RANBP10: variants seen among roughly 807,000 people sequenced by gnomAD.
RANBP10 encodes the protein RAN binding protein 10.
RANBP10 carries 24 observed loss-of-function variants against 72.8 expected under a neutral mutation model. That is an observed-to-expected ratio of 0.33 (90% CI 0.24 to 0.46). The LOEUF is 0.46. RANBP10 is among the 20% of genes least tolerant of loss of function. The pLI is 1.00. For missense variants in RANBP10, 679 were observed against 817.5 expected (o/e 0.83, Z 2.07); for synonymous variants, 310 against 322.3 (o/e 0.96, Z 0.41).
chr16:67,738,567 C>G (rs1369578450), intron 4 of RANBP10: 1 of 152,552 alleles, frequency 6.6e-6, no homozygotes, highest in African/African-American at 2.4e-5. Flanking sequence ...ATTCTCCTAC[C>G]TCAGCCTCCC....
chr16:67,772,163 T>C, intron 2 of RANBP10, 77 bp from the exon 3 acceptor site: 1 of 1,477,378 alleles, frequency 6.8e-7, no homozygotes, highest in Non-Finnish European at 9.2e-7. Context: ...CAAACATTTA[T>C]TGGTAAAAGA....
At chr16:67,779,874 T>C (rs542558129) in intron 2 of RANBP10, among the ~76,000 whole-genome samples, 31 of 152,128 alleles carry the variant, frequency 2.0e-4, no homozygotes, top group African/African-American at 7.5e-4. Context: ...CCTCAGGAAG[T>C]GAAGGCTGAG....
At chr16:67,795,915 A>ATT (rs987432243) in intron 2 of RANBP10, among the ~76,000 whole-genome samples, 27 of 134,224 alleles carry the variant, frequency 2.0e-4, no homozygotes, top group Non-Finnish European at 2.9e-4. Flanking sequence ...AAATATTTTG[A>ATT]TTTTTTTTTT....
At chr16:67,743,004 G>A (rs1383411729) in intron 4 of RANBP10, among the ~76,000 whole-genome samples, 1 of 152,326 alleles carries the variant, frequency 6.6e-6, no homozygotes, top group East Asian at 1.9e-4. Context: ...AGCAGTGTCC[G>A]TGCTATGTTC....
At chr16:67,740,399 C>T (rs1020175088) in intron 4 of RANBP10, among the ~76,000 whole-genome samples, 20 of 152,040 alleles carry the variant, frequency 1.3e-4, no homozygotes, top group African/African-American at 4.3e-4. Context: ...CCATCATGCC[C>T]GGCAGATAAA....
rs563838037 is a variant in RANBP10, at chr16:67,759,936, T to C, written c.400+12098A>G. Reference sequence around the variant, plus strand: ...TAACACAGTGAAACCCCATCTCTACTAAAAATACAAAAAATTAGCTGGGTG... The same window carrying C: ...TAACACAGTGAAACCCCATCTCTACCAAAAATACAAAAAATTAGCTGGGTG... On this transcript the variant is annotated intron_variant, in intron 3 of 13. Coordinates refer to ENST00000317506, the MANE Select transcript of RANBP10 (RefSeq NM_020850.3). Among the ~76,000 whole-genome samples, 8 of 151,834 alleles carry C rather than the reference T, an allele frequency of 5.3e-5. No homozygotes were observed. In the East Asian group the frequency reaches 1.5e-3, roughly 29 times the overall value.
intron 3 of RANBP10, among the ~76,000 whole-genome samples, chr16:67,754,088 G>A (rs1016437390): frequency 3.4e-5 from 5 of 147,388 alleles, no homozygotes; most frequent in Non-Finnish European, 5.9e-5. Flanking sequence ...AGCAGAGATC[G>A]CACCACTGCA....
At chr16:67,759,019 GAGAGCAA>G (rs2054344218) in intron 3 of RANBP10, among the ~76,000 whole-genome samples, 1 of 152,246 alleles carries the variant, frequency 6.6e-6, no homozygotes, top group Admixed American at 6.5e-5. Flanking sequence ...CAGGGAAGCA[GAGAGCAA>G]ATTATCTGAA....
chr16:67,804,595 GT>G (rs775009451), intron 2 of RANBP10, among the ~76,000 whole-genome samples: 2 of 151,996 alleles, frequency 1.3e-5, no homozygotes, highest in Non-Finnish European at 1.5e-5. Context: ...TAGAGATGGG[GT>G]TTTACCATGC....
chr16:67,742,754 G>A (rs966801149), intron 4 of RANBP10, among the ~76,000 whole-genome samples: 3 of 152,230 alleles, frequency 2.0e-5, no homozygotes, highest in East Asian at 1.9e-4. Context: ...CAAGGGGGCA[G>A]GTGAAGTGGG....
intron 3 of RANBP10, among the ~76,000 whole-genome samples, chr16:67,745,129 C>T (rs1411002514): frequency 1.3e-5 from 2 of 151,634 alleles, no homozygotes; most frequent in African/African-American, 4.8e-5. Flanking sequence ...CGTGCCCAGC[C>T]GATGCCCAGC....
At chr16:67,794,397 G>A (rs970709095) in intron 2 of RANBP10, among the ~76,000 whole-genome samples, 7 of 151,630 alleles carry the variant, frequency 4.6e-5, no homozygotes, top group Non-Finnish European at 1.0e-4. Flanking sequence ...AGGTCATGCT[G>A]CTGCACTCCA....
chr16:67,799,444 T>C (rs1345961693), intron 2 of RANBP10, among the ~76,000 whole-genome samples: 2 of 151,804 alleles, frequency 1.3e-5, no homozygotes, highest in Non-Finnish European at 2.9e-5. Flanking sequence ...CCCGCCACCA[T>C]GCCTGGCTAA....
At chr16:67,764,154 C>T (rs761459419) in intron 3 of RANBP10, among the ~76,000 whole-genome samples, 27 of 152,276 alleles carry the variant, frequency 1.8e-4, no homozygotes, top group Admixed American at 2.6e-4. Flanking sequence ...AGGCCAGTCT[C>T]ATCAGTTCTT....
intron 3 of RANBP10, 65 bp downstream of exon 3, chr16:67,771,969 C>T (rs1044387059): frequency 1.3e-6 from 2 of 1,563,946 alleles, no homozygotes; most frequent in African/African-American, 1.4e-5. Flanking sequence ...TCTGCTACCA[C>T]CATGACTCTC....
chr16:67,764,846 T>G (rs2054467185), intron 3 of RANBP10, among the ~76,000 whole-genome samples: 1 of 152,184 alleles, frequency 6.6e-6, no homozygotes, highest in South Asian at 2.1e-4. Flanking sequence ...TTTTGGAACA[T>G]TTAATAAAAG....
intron 3 of RANBP10, among the ~76,000 whole-genome samples, chr16:67,756,902 G>C (rs1233601768): frequency 6.6e-6 from 1 of 151,474 alleles, no homozygotes; most frequent in Non-Finnish European, 1.5e-5. Flanking sequence ...GGGGATGGCA[G>C]GAAGATTAAA....
intron 2 of RANBP10, among the ~76,000 whole-genome samples, chr16:67,782,802 C>CTCTTAAAAGCCACTTTTAAGAGCCATA (rs2054838376): frequency 1.3e-5 from 2 of 152,262 alleles, no homozygotes; most frequent in Non-Finnish European, 1.5e-5. Flanking sequence ...TAAGAGCCAT[C>CTCTTAAAAGCCACTTTTAAGAGCCATA]TCTTAAAAGC....
chr16:67,731,330 G>A (rs949612223), intron 7 of RANBP10, 142 bp downstream of exon 7: 6 of 653,676 alleles, frequency 9.2e-6, no homozygotes, highest in Admixed American at 7.6e-5. Flanking sequence ...AGGTGGGACA[G>A]GAACATGGCC....
Sources: allele counts gnomAD v4.1 joint callset (sites outside exome capture counted in the v4.1 genomes callset), GRCh38; gene constraint gnomAD v4.1.1; transcripts MANE v1.5; gene names NCBI Gene and HGNC (gene_info 2026-07-23, HGNC 2026-07-21).